Variants in HYDIN observed in about 807,000 individuals in gnomAD.
HYDIN encodes axonemal central pair apparatus protein HYDIN.
HYDIN carries 132 observed loss-of-function variants against 403.9 expected under a neutral mutation model. The ratio of observed to expected loss-of-function variants is 0.33; its 90% CI spans 0.28 to 0.38. HYDIN has a LOEUF of 0.38. HYDIN is among the 10% of genes least tolerant of loss of function. The probability of loss-of-function intolerance (pLI) is 1.00; values close to 1 mark genes in which losing one functional copy is unlikely to be tolerated. For synonymous variants in HYDIN, 1,202 were observed against 1,891.7 expected, an observed-to-expected ratio of 0.64 and a Z score of 9.46; for missense variants, 2,827 against 5,009.5, an observed-to-expected ratio of 0.56 and a Z score of 13.15.
chr16:70,916,381 G>A (rs1279190082), intron 47 of HYDIN, among the ~76,000 whole-genome samples: 1 of 152,098 alleles, frequency 6.6e-6, no homozygotes, highest in Admixed American at 6.6e-5. Context: ...TCCAGGTAAG[G>A]TTGGAATCTT....
At chr16:70,810,238 T>C (rs924396599) in intron 84 of HYDIN, among the ~76,000 whole-genome samples, 9 of 152,160 alleles carry the variant, frequency 5.9e-5, no homozygotes, top group Non-Finnish European at 1.0e-4. Flanking sequence ...TGAATCTAAG[T>C]GCAGGTGCTG....
intron 21 of HYDIN, among the ~76,000 whole-genome samples, chr16:71,022,240 A>G (rs1310375244): frequency 6.6e-6 from 1 of 152,168 alleles, no homozygotes; most frequent in Non-Finnish European, 1.5e-5. Flanking sequence ...TTTAGAGGCT[A>G]CTGATGAGAA....
At chr16:71,049,971 G>T (rs1450060182) in intron 18 of HYDIN, among the ~76,000 whole-genome samples, 5 of 147,304 alleles carry the variant, frequency 3.4e-5, no homozygotes, top group Non-Finnish European at 6.0e-5. Flanking sequence ...CAGACATGTA[G>T]GATAGTACAA....
chr16:70,826,260 T>C lies in HYDIN; in HGVS notation c.14427+1001A>G, dbSNP rs1397226244. Among the ~76,000 whole-genome samples, 5 of 137,130 alleles carry C rather than the reference T, an allele frequency of 3.6e-5. No individual in the cohort carries two copies. In the East Asian group the frequency reaches 8.4e-4, roughly 23 times the overall value. The allele number at this position is 137,130 out of a possible 152,430, so 90.0% of individuals were successfully genotyped here. A position where few individuals can be genotyped will look rare whatever the true frequency, so the allele number is the denominator to read the frequency against. ...TATTATTTCATTTCATTCCATTTCTTTGTCCTCAAGGGCTAAGGTCTGGTG... is the reference window on the plus strand; with the variant it reads ...TATTATTTCATTTCATTCCATTTCTCTGTCCTCAAGGGCTAAGGTCTGGTG... On this transcript the variant is annotated intron_variant, in intron 83 of 85. Transcript: ENST00000393567.
At chr16:70,950,290 G>A (rs1159133867) in intron 41 of HYDIN, among the ~76,000 whole-genome samples, 1 of 151,212 alleles carries the variant, frequency 6.6e-6, no homozygotes, top group East Asian at 1.9e-4. Context: ...TTACTCTGTT[G>A]CCTAGGCTGG....
intron 47 of HYDIN, among the ~76,000 whole-genome samples, chr16:70,914,921 A>G (rs1442241883): frequency 2.2e-5 from 3 of 134,934 alleles, no homozygotes; most frequent in Non-Finnish European, 3.2e-5. Context: ...TACTTGTTCA[A>G]TTCTATTGTT....
intron 45 of HYDIN, among the ~76,000 whole-genome samples, chr16:70,925,263 T>C (rs933367482): frequency 3.5e-4 from 53 of 152,184 alleles, no homozygotes; most frequent in African/African-American, 1.2e-3. Flanking sequence ...GATGGGAGGA[T>C]TGCTTGAGGC....
chr16:71,102,192 T>G lies in HYDIN; in HGVS notation c.1328-8257A>C, dbSNP rs573088625. Reference sequence around the variant, plus strand: ...CTGACTACACAAAATTTTAAATGGATAGTTACCTCTCTGCAGGAAACAGAA... The same window carrying G: ...CTGACTACACAAAATTTTAAATGGAGAGTTACCTCTCTGCAGGAAACAGAA... On this transcript the variant is annotated intron_variant, in intron 10 of 85. Coordinates refer to ENST00000393567, the MANE Select transcript of HYDIN (RefSeq NM_001270974.2). Among the ~76,000 whole-genome samples, 23 of 152,072 alleles carry G rather than the reference T, an allele frequency of 1.5e-4. No individual in the cohort carries two copies. The East Asian group carries it at 4.4e-3, about 29-fold the overall frequency.
chr16:70,995,744 TG>T (rs1482738613), intron 23 of HYDIN, among the ~76,000 whole-genome samples: 1 of 151,884 alleles, frequency 6.6e-6, no homozygotes, highest in East Asian at 1.9e-4. Context: ...CAGGGAGGGG[TG>T]GGCAGCCCTG....
At chr16:71,042,829 C>T (rs945333836) in intron 18 of HYDIN, among the ~76,000 whole-genome samples, 2 of 152,194 alleles carry the variant, frequency 1.3e-5, no homozygotes, top group East Asian at 3.9e-4. Context: ...CCCATCTGGA[C>T]AGGCTGCCCT....
intron 6 of HYDIN, among the ~76,000 whole-genome samples, chr16:71,157,459 G>T (rs1221683695): frequency 6.6e-6 from 1 of 151,102 alleles, no homozygotes; most frequent in African/African-American, 2.4e-5. Flanking sequence ...GTGGTTTTTA[G>T]AACGGATCCT....
chr16:70,928,345 A>G (rs2077215291), intron 45 of HYDIN, among the ~76,000 whole-genome samples: 1 of 152,142 alleles, frequency 6.6e-6, no homozygotes, highest in African/African-American at 2.4e-5. Flanking sequence ...AGTCCCAGCT[A>G]CTCGGGAGGC....
chr16:71,187,364 T>C (rs2087205770), intron 1 of HYDIN, among the ~76,000 whole-genome samples: 2 of 152,166 alleles, frequency 1.3e-5, no homozygotes, highest in African/African-American at 4.8e-5. Context: ...TAGCATGAGA[T>C]AAGACAGGCA....
chr16:71,194,327 C>A (rs1464513609), intron 1 of HYDIN, among the ~76,000 whole-genome samples: 1 of 152,174 alleles, frequency 6.6e-6, no homozygotes, highest in Non-Finnish European at 1.5e-5. Flanking sequence ...AGGAGAATCG[C>A]TTGAACCAGG....
intron 42 of HYDIN, 151 bp downstream of exon 42, chr16:70,943,661 C>T (rs74024607): frequency 8.9e-6 from 10 of 1,118,350 alleles, no homozygotes; most frequent in South Asian, 1.9e-5. Flanking sequence ...GGTCAGGGGT[C>T]GACAAGAGCT....
Position 70,834,045 on chromosome 16 carries a change from T to G in HYDIN, c.13521A>C (p.Glu4507Asp), listed in dbSNP as rs760878653. The change falls in exon 79 of 86, where the codon GAA becomes GAC. Residue 4507 changes from glutamate (E) to aspartate (D), a missense_variant. Physicochemically the swap from Glu to Asp is conservative, Grantham distance 45 (BLOSUM62 2). Transcript: ENST00000393567. The part of the protein sequence containing the change: ...VPPFSEEVFM[E>D]CMGLLRPLFL... ...AGAGGGGGCGCAGGAGCCCCATGCA[T>G]TCCATGAACACTTCCTCAGAGAAGG... 2.0e-4 allele frequency: 313 copies of G among 1,602,566 alleles called. 3 individuals carry two copies. Among genetic ancestry groups the G allele is most frequent in the Non-Finnish European group, 8.8e-5 (103 of 1,170,948 alleles).
At chr16:70,949,851 C>A (rs1229185627) in intron 41 of HYDIN, among the ~76,000 whole-genome samples, 2 of 152,284 alleles carry the variant, frequency 1.3e-5, no homozygotes, top group Admixed American at 6.5e-5. Flanking sequence ...GTTCTACTGC[C>A]TTTGAAGAAT....
intron 55 of HYDIN, among the ~76,000 whole-genome samples, chr16:70,893,089 G>T (rs1211288206): frequency 6.6e-6 from 1 of 152,196 alleles, no homozygotes; most frequent in African/African-American, 2.4e-5. Context: ...GCCCGGAGTT[G>T]CTGTGGGGCT....
chr16:71,025,810 G>A (rs916824939), intron 20 of HYDIN, among the ~76,000 whole-genome samples: 1 of 151,680 alleles, frequency 6.6e-6, no homozygotes, highest in East Asian at 1.9e-4. Flanking sequence ...GAACAAGACA[G>A]ATAAAATCTT....
Sources: gnomAD v4.1 joint callset for allele counts (sites outside exome capture counted in the v4.1 genomes callset) on GRCh38, gnomAD v4.1.1 for gene constraint, MANE v1.5 for transcripts, NCBI Gene and HGNC (gene_info 2026-07-23, HGNC 2026-07-21) for gene names.